The following VPS13C variants were observed in gnomAD, a reference collection of about 807,000 sequenced individuals.
VPS13C encodes the protein vacuolar protein sorting 13 homolog C.
VPS13C carries 358 observed loss-of-function variants against 456.8 expected under a neutral mutation model. The ratio of observed to expected loss-of-function variants is 0.78; its 90% CI spans 0.72 to 0.86. The LOEUF (loss-of-function observed/expected upper bound fraction) is 0.86, where lower values mean the gene tolerates loss of function less well. Ranked by LOEUF, VPS13C falls within the 40% of genes least tolerant of loss-of-function variation. The pLI is 0.00. For missense variants in VPS13C, 4,818 were observed against 4,385.4 expected (o/e 1.10, Z -2.79); for synonymous variants, 1,578 against 1,486.7 (o/e 1.06, Z -1.41).
At chr15:62,042,865 G>A (rs953723325) in intron 2 of VPS13C, among the ~76,000 whole-genome samples, 1 of 150,896 alleles carries the variant, frequency 6.6e-6, no homozygotes, top group Non-Finnish European at 1.5e-5. Flanking sequence ...TGTATACATA[G>A]GTAACAAACC....
chr15:61,861,959 G>A lies in VPS13C; in HGVS notation c.10952+1481C>T, dbSNP rs1048732476. 2.6e-5 allele frequency among the ~76,000 whole-genome samples: 4 copies of A among 152,114 alleles called. No homozygotes were observed. In the South Asian group the frequency reaches 8.3e-4, roughly 32 times the overall value. ...TAATAAAAATACAAAAATTAGCTGG[G>A]CATAGTGGTGCATGCCTGCAATCCC... is the stretch of plus-strand genomic sequence containing the variant. On this transcript the variant is annotated intron_variant, in intron 82 of 84. Transcript: ENST00000644861.
intron 73 of VPS13C, among the ~76,000 whole-genome samples, chr15:61,879,072 C>T (rs894227291): frequency 2.6e-5 from 4 of 152,040 alleles, no homozygotes; most frequent in African/African-American, 9.7e-5. Context: ...TGTAAACTGG[C>T]ACACAAGTAA....
At chr15:62,030,404 A>T (rs191163767) in intron 5 of VPS13C, among the ~76,000 whole-genome samples, 74 of 152,138 alleles carry the variant, frequency 4.9e-4, no homozygotes, top group Admixed American at 2.0e-3. Flanking sequence ...ATAAATGATG[A>T]CAGGCCTGCT....
At chr15:61,983,616 C>G (rs1283319822) in intron 20 of VPS13C, 1 of 509,968 alleles carries the variant, frequency 2.0e-6, no homozygotes, top group African/African-American at 2.0e-5. Flanking sequence ...ATAAATAAAC[C>G]TTGGAGTAGG....
chr15:61,868,465 T>A (rs563701252), intron 81 of VPS13C, among the ~76,000 whole-genome samples, 194 bp downstream of exon 81: 1 of 151,402 alleles, frequency 6.6e-6, no homozygotes, highest in Admixed American at 6.6e-5. Context: ...TTTGCTCCCA[T>A]GTAGAAAAAA....
Position 61,961,898 on chromosome 15 carries a change from G to A in VPS13C, c.3604-5C>T, listed in dbSNP as rs1368618131. On this transcript the variant is annotated splice_polypyrimidine_tract_variant and splice_region_variant and intron_variant, in intron 34 of 84. Coordinates refer to ENST00000644861, the MANE Select transcript of VPS13C (RefSeq NM_020821.3). Reference sequence around the variant, plus strand: ...CTGGAAATTATTCAGGAAGTTCTGTGGACACAAAGCATAAAAAGAGAAATT... The same window carrying A: ...CTGGAAATTATTCAGGAAGTTCTGTAGACACAAAGCATAAAAAGAGAAATT... 6.2e-7 allele frequency: 1 copy of A among 1,603,092 alleles called. No individual in the cohort carries two copies. The highest frequency in any genetic ancestry group is 1.7e-4 in the Middle Eastern group (1 of 5,986).
chr15:61,919,738 C>T (rs914491011), intron 57 of VPS13C, among the ~76,000 whole-genome samples: 22 of 150,592 alleles, frequency 1.5e-4, no homozygotes, highest in Non-Finnish European at 1.2e-4. Flanking sequence ...ACAGTGTCAA[C>T]ACTGTAAGAC....
chr15:61,946,659 A>AC (rs1401301793), intron 43 of VPS13C, among the ~76,000 whole-genome samples: 2 of 151,194 alleles, frequency 1.3e-5, no homozygotes, highest in African/African-American at 2.4e-5. Context: ...AAAAAAAAAA[A>AC]CCCACCAAGT....
chr15:62,024,990 G>A (rs538849795), intron 6 of VPS13C, among the ~76,000 whole-genome samples: 9 of 151,906 alleles, frequency 5.9e-5, no homozygotes, highest in Non-Finnish European at 1.2e-4. Context: ...GTAGCCCCAG[G>A]GCCTGTACCT....
At chr15:61,903,656 A>G (rs2140122768) in intron 66 of VPS13C, among the ~76,000 whole-genome samples, 1 of 152,346 alleles carries the variant, frequency 6.6e-6, no homozygotes, top group South Asian at 2.1e-4. Flanking sequence ...AGAAAACCTA[A>G]AATTCATATG....
intron 6 of VPS13C, 62 bp downstream of exon 6, chr15:62,028,296 A>G: frequency 6.4e-7 from 1 of 1,570,680 alleles, no homozygotes; most frequent in South Asian, 1.1e-5. Context: ...ACTCCACCAA[A>G]AGCACAAGCA....
chr15:62,000,575 C>T lies in VPS13C; in HGVS notation c.1342G>A (p.Ala448Thr). ...VFNIILARQQ[A>T]QVEVIRSGQK... ...ATAAAAATGATTACCTCAACTTGTG[C>T]TTGTTGCCTTGCTAAAATTATGTTA... Residue 448 changes from alanine to threonine, a missense_variant, in exon 16 of 85, where the codon GCA becomes ACA. Transcript: ENST00000644861. 1 of 1,607,404 alleles carries T rather than the reference C, an allele frequency of 6.2e-7. No individual in the cohort carries two copies. The highest frequency in any genetic ancestry group is 1.7e-5 in the Admixed American group (1 of 59,148).
chr15:61,927,386 T>C, intron 51 of VPS13C, 66 bp from the exon 52 acceptor site: 1 of 1,260,058 alleles, frequency 7.9e-7, no homozygotes, highest in South Asian at 1.4e-5. Context: ...CTACATGTTA[T>C]CTACAAGTTG....
Position 61,964,708 on chromosome 15 carries a change from G to A in VPS13C, c.3205C>T (p.Leu1069=), listed in dbSNP as rs1407824845. The change falls in exon 31 of 85, where the codon CTG becomes TTG. Residue 1069 remains leucine (L), a synonymous_variant. Coordinates refer to ENST00000644861, the MANE Select transcript of VPS13C (RefSeq NM_020821.3). ...STEKQQKNST[L]PKAIVSSRDS... The stretch of plus-strand genomic sequence containing the variant: ...AATGTATGTTTCATACCTTTTGGCA[G>A]AGTTGAATTTTTTTGTTGTTTTTCA... 6.2e-7 allele frequency: 1 copy of A among 1,600,274 alleles called. No homozygotes were observed. Among genetic ancestry groups the A allele is most frequent in the Non-Finnish European group, 8.5e-7 (1 of 1,175,852 alleles).
At chr15:61,947,663 C>T (rs965514139) in intron 42 of VPS13C, among the ~76,000 whole-genome samples, 1 of 151,942 alleles carries the variant, frequency 6.6e-6, no homozygotes, top group Admixed American at 6.6e-5. Context: ...ATTCTGAACT[C>T]CTTTTCGTAT....
intron 79 of VPS13C, among the ~76,000 whole-genome samples, 160 bp from the exon 80 acceptor site, chr15:61,869,783 G>A (rs1020638625): frequency 6.6e-6 from 1 of 152,204 alleles, no homozygotes; most frequent in Non-Finnish European, 1.5e-5. Flanking sequence ...TGATAAAATA[G>A]TGGTTTCTCA....
intron 15 of VPS13C, among the ~76,000 whole-genome samples, chr15:62,006,103 T>A (rs945313480): frequency 1.7e-5 from 2 of 119,428 alleles, no homozygotes; most frequent in Non-Finnish European, 3.8e-5. Flanking sequence ...AATTCTTATT[T>A]TTTTTTTATT....
In VPS13C at chr15:61,856,374, C is replaced by T. The variant is rs750886823; in HGVS notation, c.10988G>A (p.Gly3663Asp). 1.2e-6 allele frequency: 2 copies of T among 1,613,146 alleles called. No individual in the cohort carries two copies. Among genetic ancestry groups the T allele is most frequent in the Non-Finnish European group, 1.7e-6 (2 of 1,179,524 alleles). ...ACATTGCCAGTCTACACACATAAGG[C>T]CCAGGATTTCAACTTCCTTTATACA... ...VLCIKEVEILGLMCVDWQCPF... is the reference protein window; with the variant it reads ...VLCIKEVEILDLMCVDWQCPF... The change falls in exon 83 of 85, where the codon GGC becomes GAC. Residue 3663 changes from glycine (G) to aspartate (D), a missense_variant. By Grantham distance (94) the Gly-to-Asp change is moderately conservative. This residue lies in a region of VPS13C where 261 missense variants were observed against 234.1 expected (regional missense o/e 1.11). Transcript: ENST00000644861.
chr15:61,940,661 G>A lies in VPS13C; in HGVS notation c.5587C>T (p.Leu1863=). The A allele has an allele frequency of 6.2e-7, 1 of 1,613,210 alleles. No homozygotes were observed. The highest frequency in any genetic ancestry group is 8.5e-7 in the Non-Finnish European group (1 of 1,179,670). The part of the protein sequence containing the change: ...QIPGMEIKGK[L]KPMQVALSED... ...TAGCTACTTACCTGCATAGGTTTTAGTTTTCCTTTTATCTCCATCCCTGGA... is the reference window on the plus strand; with the variant it reads ...TAGCTACTTACCTGCATAGGTTTTAATTTTCCTTTTATCTCCATCCCTGGA... The change falls in exon 47 of 85, where the codon CTA becomes TTA. Residue 1863 remains leucine, a synonymous_variant. Transcript: ENST00000644861.
Sources: gnomAD v4.1 joint callset for allele counts (sites outside exome capture counted in the v4.1 genomes callset) on GRCh38, gnomAD v4.1.1 for gene constraint, gnomAD v4.1.1 regional missense constraint, MANE v1.5 for transcripts, NCBI Gene and HGNC (gene_info 2026-07-23, HGNC 2026-07-21) for gene names.